CDH8: variants seen among roughly 807,000 people sequenced by gnomAD.
The protein encoded by CDH8 is cadherin 8.
Under a neutral mutation model 68.1 loss-of-function variants are expected in CDH8, and 17 were observed. The ratio of observed to expected loss-of-function variants is 0.25; its 90% CI spans 0.17 to 0.37. CDH8 has a LOEUF of 0.37. CDH8 is among the 10% of genes least tolerant of loss of function. The pLI, the probability that CDH8 is intolerant of heterozygous loss-of-function variation, is 1.00. For synonymous variants in CDH8, 372 were observed against 365.1 expected (o/e 1.02, Z -0.21); for missense variants, 763 against 999.3 (o/e 0.76, Z 3.19).
chr16:61,972,042 C>T (rs1332826830), intron 2 of CDH8, among the ~76,000 whole-genome samples: 1 of 151,870 alleles, frequency 6.6e-6, no homozygotes, highest in Non-Finnish European at 1.5e-5. Flanking sequence ...TGTAATAATC[C>T]CCACGTGTCA....
At chr16:61,664,238 A>G (rs1465619433) in intron 10 of CDH8, among the ~76,000 whole-genome samples, 1 of 151,936 alleles carries the variant, frequency 6.6e-6, no homozygotes, top group African/African-American at 2.4e-5. Context: ...ATTGTCCCCA[A>G]TATCTCCAGA....
chr16:61,888,479 G>A lies in CDH8; in HGVS notation c.547+12700C>T, dbSNP rs575857915. ...ATCCCTATAATAACTCTTTTGTTAT[G>A]TATGTAAGACTGTTACTGGTTCTGA... On this transcript the variant is annotated intron_variant, in intron 3 of 11. Coordinates refer to ENST00000577390, the MANE Select transcript of CDH8 (RefSeq NM_001796.5). Among the ~76,000 whole-genome samples, 6 of 152,198 alleles carry A rather than the reference G, an allele frequency of 3.9e-5. No homozygotes were observed. In the South Asian group the frequency reaches 8.3e-4, roughly 21 times the overall value.
At chr16:61,868,663 G>A (rs574432715) in intron 3 of CDH8, among the ~76,000 whole-genome samples, 33 of 152,176 alleles carry the variant, frequency 2.2e-4, no homozygotes, top group African/African-American at 7.9e-4. Flanking sequence ...GATCAAGTAT[G>A]GAACTTGCCA....
At chr16:61,857,738 C>T (rs1450233997) in intron 3 of CDH8, among the ~76,000 whole-genome samples, 1 of 152,100 alleles carries the variant, frequency 6.6e-6, no homozygotes, top group Non-Finnish European at 1.5e-5. Context: ...ACCAATTAAT[C>T]ATCTTGCTTA....
At chr16:61,655,868 C>A (rs1213271194) in intron 10 of CDH8, 147 bp from the exon 11 acceptor site, 2 of 673,564 alleles carry the variant, frequency 3.0e-6, no homozygotes, top group Non-Finnish European at 4.9e-6. Flanking sequence ...TGACTCGTCT[C>A]CGCACTTTTT....
intron 2 of CDH8, among the ~76,000 whole-genome samples, chr16:61,955,861 A>C (rs1964979675): frequency 6.6e-6 from 1 of 152,168 alleles, no homozygotes; most frequent in Non-Finnish European, 1.5e-5. Context: ...GGATATTCTT[A>C]ATCAGTAAGT....
chr16:62,036,285 C>T lies in CDH8; in HGVS notation c.-405G>A, dbSNP rs1213101479. 1 of 152,588 alleles carries T rather than the reference C, an allele frequency of 6.6e-6. No individual in the cohort carries two copies. Among genetic ancestry groups the T allele is most frequent in the Non-Finnish European group, 1.5e-5 (1 of 68,376 alleles). The allele number at this position is 152,588 out of a possible 1,614,324, so 9.5% of individuals were successfully genotyped here. ...CGCGCTGGGCTCTGGGTGTCCGCAA[C>T]CCAAAGTGCAGCTGGTGTCTTGACG... On this transcript the variant is annotated 5_prime_UTR_variant, in exon 1 of 12. Transcript: ENST00000577390.
At chr16:61,918,072 C>T (rs1440618594) in intron 2 of CDH8, among the ~76,000 whole-genome samples, 2 of 230 alleles carry the variant, frequency 8.7e-3, no homozygotes, top group South Asian at 0.25. Flanking sequence ...GTGCCAACAA[C>T]TGTACTGAGT....
At chr16:61,918,469 G>C (rs1369420953) in intron 2 of CDH8, 1 of 152,524 alleles carries the variant, frequency 6.6e-6, no homozygotes, top group South Asian at 2.1e-4. Context: ...CACCATGCGC[G>C]AGCCGAAGCA....
rs907486723 is a variant in CDH8, at chr16:61,859,137, G to C, written c.548-1899C>G. Among the ~76,000 whole-genome samples, 5 of 152,222 alleles carry C rather than the reference G, an allele frequency of 3.3e-5. No homozygotes were observed. The South Asian group carries it at 1.0e-3, about 32-fold the overall frequency. On this transcript the variant is annotated intron_variant, in intron 3 of 11. Coordinates refer to ENST00000577390, the MANE Select transcript of CDH8 (RefSeq NM_001796.5). ...TTTCTACTCAGAATGATGACTCAGA[G>C]GTTCTACAAAATCTGCAGTTATAAA...
In CDH8 at chr16:61,648,086, G is replaced by A. The variant is rs1963243238; in HGVS notation, c.*5522C>T. The A allele has an allele frequency of 4.2e-6, 2 of 475,538 alleles. No individual in the cohort carries two copies. The highest frequency in any genetic ancestry group is 3.7e-5 in the Admixed American group (1 of 26,894). The allele number at this position is 475,538 out of a possible 1,614,324, so 29.5% of individuals were successfully genotyped here. A position where few individuals can be genotyped will look rare whatever the true frequency, so the allele number is the denominator to read the frequency against. ...ACTTCCACACATAAAGGAAGGAGGA[G>A]AATACATACAAAAACACTTACAACA... On this transcript the variant is annotated 3_prime_UTR_variant, in exon 12 of 12. Transcript: ENST00000577390.
chr16:61,841,364 G>C (rs756787078), intron 4 of CDH8, among the ~76,000 whole-genome samples: 2 of 152,136 alleles, frequency 1.3e-5, no homozygotes, highest in African/African-American at 2.4e-5. Context: ...ATGAGATCCT[G>C]TCATTGGCAA....
intron 3 of CDH8, among the ~76,000 whole-genome samples, chr16:61,871,815 C>CAAAAAAAAAAAAAAAAAAA (rs144379377): frequency 4.6e-5 from 2 of 43,344 alleles, no homozygotes; most frequent in African/African-American, 8.6e-5. Flanking sequence ...GTTCTATATG[C>CAAAAAAAAAAAAAAAAAAA]AAAAAAAAAA....
intron 2 of CDH8, among the ~76,000 whole-genome samples, chr16:61,981,185 A>G (rs950706636): frequency 6.6e-6 from 1 of 152,230 alleles, no homozygotes; most frequent in Admixed American, 6.5e-5. Context: ...CAGATTTTCA[A>G]TCACTTAAAT....
chr16:61,970,964 T>A lies in CDH8; in HGVS notation c.252+50188A>T, dbSNP rs150362005. Among the ~76,000 whole-genome samples the A allele has an allele frequency of 3.8e-3, 575 of 152,114 alleles. 2 individuals carry two copies. Among genetic ancestry groups the A allele is most frequent in the African/African-American group, 0.013 (536 of 41,506 alleles). On this transcript the variant is annotated intron_variant, in intron 2 of 11. Transcript: ENST00000577390. The stretch of plus-strand genomic sequence containing the variant: ...TAACTGATCAATGTACTTTGTAATC[T>A]CCCCCACCCTTAAGAAGGTACTTTG...
chr16:61,820,230 G>A (rs996796490), intron 6 of CDH8, among the ~76,000 whole-genome samples: 11 of 148,016 alleles, frequency 7.4e-5, no homozygotes, highest in African/African-American at 2.7e-4. Context: ...ATAGTTTGGA[G>A]TATACAATGG....
chr16:61,703,733 G>A (rs1245443080), intron 10 of CDH8, among the ~76,000 whole-genome samples: 3 of 152,032 alleles, frequency 2.0e-5, no homozygotes, highest in Non-Finnish European at 2.9e-5. Flanking sequence ...CCAGCTACTC[G>A]GGAGGCTGAG....
intron 8 of CDH8, among the ~76,000 whole-genome samples, chr16:61,788,727 G>A (rs9939991): frequency 0.22 from 32,717 of 151,546 alleles, 4,053 homozygotes; most frequent in African/African-American, 0.35. Context: ...AACAACCCTA[G>A]ACTCTCCTCC....
chr16:61,838,095 A>AAT (rs10655056), intron 4 of CDH8, among the ~76,000 whole-genome samples: 64,712 of 151,756 alleles, frequency 0.43, 14,835 homozygotes, highest in African/African-American at 0.6. Flanking sequence ...TGTTTTTCCA[A>AAT]AGATTAAGTG....
Sources: allele counts gnomAD v4.1 joint callset (sites outside exome capture counted in the v4.1 genomes callset), GRCh38; gene constraint gnomAD v4.1.1; transcripts MANE v1.5; gene names NCBI Gene and HGNC (gene_info 2026-07-23, HGNC 2026-07-21).